Variants in POU3F3 observed in about 807,000 individuals in gnomAD.
The protein encoded by POU3F3 is POU class 3 homeobox 3.
Under a neutral mutation model 8.6 loss-of-function variants are expected in POU3F3, and 1 was observed. That is an observed-to-expected ratio of 0.12 (90% CI 0.04 to 0.55). POU3F3 has a LOEUF of 0.55. Among genes scored for constraint, POU3F3 ranks in the 20% least tolerant of loss-of-function variants. The pLI is 0.91. For synonymous variants in POU3F3, 418 were observed against 327.4 expected (o/e 1.28, Z -2.99); for missense variants, 577 against 690.7 (o/e 0.84, Z 1.84).
the POU3F3 span, among the ~76,000 whole-genome samples, chr2:104,868,599 A>C: frequency 1.3e-5 from 2 of 151,890 alleles, no homozygotes; most frequent in Admixed American, 6.6e-5. Flanking sequence ...ACCTCCAGAC[A>C]CCTTCTCTAT....
chr2:104,927,471 T>C, the POU3F3 span, among the ~76,000 whole-genome samples: 1 of 151,966 alleles, frequency 6.6e-6, no homozygotes, highest in African/African-American at 2.4e-5. Context: ...TTTTAAAAAA[T>C]GGGTCAGGTG....
At chr2:104,880,303 C>G in the POU3F3 span, among the ~76,000 whole-genome samples, 3 of 152,216 alleles carry the variant, frequency 2.0e-5, no homozygotes, top group Admixed American at 2.0e-4. Flanking sequence ...CAACAATGCC[C>G]TCTCCAACGT....
chr2:104,859,507 A>G (rs575069821), downstream of POU3F3, among the ~76,000 whole-genome samples: 14 of 152,172 alleles, frequency 9.2e-5, no homozygotes, highest in African/African-American at 3.1e-4. Context: ...ATTCCCCCCA[A>G]TCTCACTTAG....
At chr2:104,917,397 C>A in the POU3F3 span, among the ~76,000 whole-genome samples, 46 of 152,292 alleles carry the variant, frequency 3.0e-4, no homozygotes, top group Non-Finnish European at 5.1e-4. Flanking sequence ...AATTGTTAAT[C>A]AAATAATTCC....
At chr2:104,925,224 G>T in the POU3F3 span, among the ~76,000 whole-genome samples, 1 of 152,178 alleles carries the variant, frequency 6.6e-6, no homozygotes, top group African/African-American at 2.4e-5. Flanking sequence ...GGTGGGCATT[G>T]TTGGCTATCA....
the POU3F3 span, among the ~76,000 whole-genome samples, chr2:104,915,138 T>C: frequency 3.9e-5 from 6 of 152,186 alleles, no homozygotes; most frequent in African/African-American, 1.4e-4. Context: ...GCAAATTGAT[T>C]CCCATCAGAA....
the POU3F3 span, among the ~76,000 whole-genome samples, chr2:104,921,713 C>T: frequency 6.6e-6 from 1 of 152,106 alleles, no homozygotes; most frequent in African/African-American, 2.4e-5. Flanking sequence ...GAAGTGACCA[C>T]ATAGCCAGGC....
At chr2:104,872,766 G>A in the POU3F3 span, among the ~76,000 whole-genome samples, 1 of 152,224 alleles carries the variant, frequency 6.6e-6, no homozygotes, top group Non-Finnish European at 1.5e-5. This position sits in a 1 kb window ranked among gnomAD's most constrained non-coding sequence, Gnocchi z 4.6. Context: ...TCTCCGCGCT[G>A]GTTCTCAAGG....
the POU3F3 span, among the ~76,000 whole-genome samples, chr2:104,913,054 G>A: frequency 6.6e-6 from 1 of 152,178 alleles, no homozygotes; most frequent in Non-Finnish European, 1.5e-5. Context: ...GGGCTTTACT[G>A]GGTGAATGGC....
the POU3F3 span, among the ~76,000 whole-genome samples, chr2:104,864,179 C>A: frequency 1.3e-5 from 2 of 152,222 alleles, no homozygotes; most frequent in Admixed American, 6.5e-5. Context: ...GTGCGGGCGC[C>A]GGCAGCAGGG....
the POU3F3 span, among the ~76,000 whole-genome samples, chr2:104,883,537 G>T: frequency 6.6e-6 from 1 of 152,300 alleles, no homozygotes; most frequent in Middle Eastern, 3.4e-3. Flanking sequence ...CCAAGGAAGA[G>T]TCAGAGAGAT....
the POU3F3 span, among the ~76,000 whole-genome samples, chr2:104,920,018 T>G: frequency 6.6e-6 from 1 of 152,150 alleles, no homozygotes; most frequent in African/African-American, 2.4e-5. Context: ...TTTATTTATT[T>G]TTTTATTATT....
chr2:104,866,577 G>A, the POU3F3 span: 1 of 152,226 alleles, frequency 6.6e-6, no homozygotes, highest in African/African-American at 2.4e-5. Flanking sequence ...ATGGTAACTT[G>A]AGGAATCCCA....
chr2:104,874,393 G>T, the POU3F3 span, among the ~76,000 whole-genome samples: 1 of 152,206 alleles, frequency 6.6e-6, no homozygotes, highest in Non-Finnish European at 1.5e-5. Flanking sequence ...AGAGCCAGTG[G>T]TCATGGGAGG....
At chr2:104,907,618 A>T in the POU3F3 span, among the ~76,000 whole-genome samples, 1 of 152,050 alleles carries the variant, frequency 6.6e-6, no homozygotes, top group Non-Finnish European at 1.5e-5. Context: ...TATTATTATT[A>T]TTTTTTGAAG....
At chr2:104,879,146 A>G in the POU3F3 span, among the ~76,000 whole-genome samples, 1 of 152,120 alleles carries the variant, frequency 6.6e-6, no homozygotes, top group Non-Finnish European at 1.5e-5. Flanking sequence ...AATCTTCAGT[A>G]CACACACAAT....
the POU3F3 span, among the ~76,000 whole-genome samples, chr2:104,909,339 A>G: frequency 6.6e-6 from 1 of 152,202 alleles, no homozygotes; most frequent in Non-Finnish European, 1.5e-5. Flanking sequence ...AAGAATCTGG[A>G]TGGGAAGCCA....
the POU3F3 span, among the ~76,000 whole-genome samples, chr2:104,869,086 T>A: frequency 6.6e-6 from 1 of 152,200 alleles, no homozygotes; most frequent in Non-Finnish European, 1.5e-5. Flanking sequence ...CTCAGTGGAA[T>A]GAAATGGGCC....
chr2:104,896,089 C>T, the POU3F3 span, among the ~76,000 whole-genome samples: 1 of 152,176 alleles, frequency 6.6e-6, no homozygotes, highest in South Asian at 2.1e-4. Context: ...ACGTGGATAC[C>T]AGGATTTAGG....
Sources: gnomAD v4.1 joint callset for allele counts (sites outside exome capture counted in the v4.1 genomes callset) on GRCh38, gnomAD v4.1.1 for gene constraint, Gnocchi (gnomAD v3.1) non-coding constraint, MANE v1.5 for transcripts, NCBI Gene and HGNC (gene_info 2026-07-23, HGNC 2026-07-21) for gene names.